COL11A1: variants seen among roughly 807,000 people sequenced by gnomAD.
COL11A1 encodes the protein collagen type XI alpha 1 chain.
In COL11A1, 74 loss-of-function variants were observed where a neutral mutation model predicts 265.2. That is an observed-to-expected ratio of 0.28 (90% CI 0.23 to 0.34). The LOEUF (loss-of-function observed/expected upper bound fraction) is 0.34, where lower values mean the gene tolerates loss of function less well. Ranked by LOEUF, COL11A1 falls within the 10% of genes least tolerant of loss-of-function variation. The pLI, the probability that COL11A1 is intolerant of heterozygous loss-of-function variation, is 1.00. For missense variants in COL11A1, 2,165 were observed against 2,263.6 expected (o/e 0.96, Z 0.88); for synonymous variants, 816 against 727.6 (o/e 1.12, Z -1.96).
At chr1:103,011,167 C>G (rs1003313889) in intron 14 of COL11A1, among the ~76,000 whole-genome samples, 1 of 151,952 alleles carries the variant, frequency 6.6e-6, no homozygotes, top group African/African-American at 2.4e-5. Flanking sequence ...TAATAAAATA[C>G]CTAGGTTAAT....
At chr1:103,092,836 C>A (rs1293996095) in intron 1 of COL11A1, among the ~76,000 whole-genome samples, 2 of 152,070 alleles carry the variant, frequency 1.3e-5, no homozygotes, top group South Asian at 2.1e-4. Context: ...TCCCAAGAAG[C>A]AGAGAAAAGT....
chr1:103,065,932 A>AT (rs1671105877), intron 4 of COL11A1, among the ~76,000 whole-genome samples: 3 of 152,318 alleles, frequency 2.0e-5, no homozygotes, highest in African/African-American at 7.2e-5. Flanking sequence ...CAAGTACATG[A>AT]TAACAACAAT....
chr1:103,091,014 T>G (rs188253913), intron 1 of COL11A1, among the ~76,000 whole-genome samples: 1 of 152,228 alleles, frequency 6.6e-6, no homozygotes, highest in African/African-American at 2.4e-5. Flanking sequence ...AGCAACCAAA[T>G]AGATCTTAAA....
intron 14 of COL11A1, 134 bp downstream of exon 14, chr1:103,012,279 T>G (rs1482017539): frequency 1.5e-6 from 1 of 676,400 alleles, no homozygotes; most frequent in Non-Finnish European, 2.6e-6. Flanking sequence ...ATTTTTTTAA[T>G]GGAAACAACA....
At chr1:103,021,475 C>T (rs547131654) in intron 9 of COL11A1, among the ~76,000 whole-genome samples, 3 of 152,220 alleles carry the variant, frequency 2.0e-5, no homozygotes, top group East Asian at 1.9e-4. Context: ...TTAGACAAGA[C>T]AAATTTCAGC....
At chr1:103,009,560 A>C (rs1239577172) in intron 14 of COL11A1, among the ~76,000 whole-genome samples, 1 of 152,194 alleles carries the variant, frequency 6.6e-6, no homozygotes, top group Non-Finnish European at 1.5e-5. Flanking sequence ...ACATATCCCC[A>C]AAAACTTTCA....
intron 4 of COL11A1, among the ~76,000 whole-genome samples, chr1:103,063,187 T>C (rs891125596): frequency 6.6e-6 from 1 of 152,060 alleles, no homozygotes; most frequent in Non-Finnish European, 1.5e-5. Flanking sequence ...TTTCCCAGCA[T>C]GTTATTTTGT....
intron 66 of COL11A1, 134 bp downstream of exon 66, chr1:102,879,549 T>C (rs182757791): frequency 1.3e-5 from 10 of 764,428 alleles, no homozygotes; most frequent in African/African-American, 5.1e-5. Flanking sequence ...TAGTTTAACA[T>C]GTCAAGATTA....
intron 54 of COL11A1, among the ~76,000 whole-genome samples, chr1:102,903,406 C>T (rs1464277403): frequency 6.6e-6 from 1 of 152,102 alleles, no homozygotes; most frequent in Admixed American, 6.5e-5. Context: ...TACTTTTGAA[C>T]ACATTTCTTG....
chr1:103,040,520 AG>A (rs200841252), intron 4 of COL11A1, among the ~76,000 whole-genome samples: 3,038 of 151,698 alleles, frequency 0.02, 40 homozygotes, highest in Middle Eastern at 0.038. Flanking sequence ...AAATACTTAG[AG>A]ATGATTCTCA....
Position 102,883,298 on chromosome 1 carries a change from A to T in COL11A1, c.4872T>A (p.Ile1624=). ...CTCCTGAGCAACCTTGGTTAGGATC[A>T]ATCCAATATTCACCTAGAAGGTAGC... ...HPDFPDGEYW[I]DPNQGCSGDS... The change falls in exon 64 of 67, where the codon ATT becomes ATA. Residue 1624 remains isoleucine (I), a synonymous_variant. Coordinates refer to ENST00000370096, the MANE Select transcript of COL11A1 (RefSeq NM_001854.4). 4 of 1,611,254 alleles carry T rather than the reference A, an allele frequency of 2.5e-6. No homozygotes were observed. Among genetic ancestry groups the T allele is most frequent in the Non-Finnish European group, 3.4e-6 (4 of 1,177,578 alleles).
intron 41 of COL11A1, among the ~76,000 whole-genome samples, chr1:102,952,284 A>G (rs1350474461): frequency 6.6e-6 from 1 of 152,134 alleles, no homozygotes; most frequent in African/African-American, 2.4e-5. Context: ...TTTTTAGTAG[A>G]GACAGGGTTT....
At position 102,939,071 on chromosome 1, in the gene COL11A1, C is replaced by T. The variant is rs763588142; in HGVS notation, c.3402G>A (p.Pro1134=). Residue 1134 remains proline (P), a synonymous_variant, in exon 44 of 67, where the codon CCG becomes CCA. Coordinates refer to ENST00000370096, the MANE Select transcript of COL11A1 (RefSeq NM_001854.4). ...EDGDKGEIGE[P]GQKGSKGDKG... ...TGTCACCCTTGCTGCCTTTTTGTCC[C>T]GGCTCACCAATTTCACCCTGAAATT... 29 of 1,613,534 alleles carry T rather than the reference C, an allele frequency of 1.8e-5. No individual in the cohort carries two copies. Among genetic ancestry groups the T allele is most frequent in the East Asian group, 2.2e-5 (1 of 44,808 alleles).
intron 36 of COL11A1, among the ~76,000 whole-genome samples, chr1:102,970,738 G>A (rs577194414): frequency 1.3e-5 from 2 of 152,164 alleles, no homozygotes; most frequent in South Asian, 2.1e-4. Flanking sequence ...AAAGAAGGCC[G>A]GGCAGGGTGG....
At chr1:102,929,291 T>G (rs1414958982) in intron 46 of COL11A1, among the ~76,000 whole-genome samples, 8 of 151,858 alleles carry the variant, frequency 5.3e-5, no homozygotes, top group Non-Finnish European at 7.4e-5. Flanking sequence ...AAGGGATCCA[T>G]TTTCAGCTTT....
intron 25 of COL11A1, 57 bp from the exon 26 acceptor site, chr1:102,997,181 C>T (rs1664712522): frequency 1.5e-6 from 2 of 1,377,036 alleles, no homozygotes; most frequent in Non-Finnish European, 1.0e-6. Flanking sequence ...GTTGATAATA[C>T]TACGAAAGTA....
Position 103,007,911 on chromosome 1 carries a change from G to A in COL11A1, c.1683+552C>T, listed in dbSNP as rs115456535. Among the ~76,000 whole-genome samples, 1,166 of 149,656 alleles carry A rather than the reference G, an allele frequency of 7.8e-3. 7 individuals carry two copies. The highest frequency in any genetic ancestry group is 0.013 in the Non-Finnish European group (892 of 67,390). On this transcript the variant is annotated intron_variant, in intron 15 of 66. Transcript: ENST00000370096. The stretch of plus-strand genomic sequence containing the variant: ...AGATTGTCTACAGGTTAAAGAGTAT[G>A]TAGCTTTGTAATGAGAAGACTGTAC...
chr1:103,002,614 A>G, intron 22 of COL11A1, 133 bp from the exon 23 acceptor site: 1 of 1,111,382 alleles, frequency 9.0e-7, no homozygotes, highest in Admixed American at 2.0e-5. Context: ...ATATTTCAAA[A>G]TATTAATGCA....
chr1:102,979,190 ATCATTCAT>A (rs148099821), intron 32 of COL11A1, 86 bp from the exon 33 acceptor site: 19 of 1,339,078 alleles, frequency 1.4e-5, no homozygotes, highest in Non-Finnish European at 2.0e-5. Flanking sequence ...ATGCAAGAAC[ATCATTCAT>A]TCATTCATTC....
Sources: gnomAD v4.1 joint callset for allele counts (sites outside exome capture counted in the v4.1 genomes callset) on GRCh38, gnomAD v4.1.1 for gene constraint, MANE v1.5 for transcripts, NCBI Gene and HGNC (gene_info 2026-07-23, HGNC 2026-07-21) for gene names.